Variants in PHACTR1 observed in about 807,000 individuals in gnomAD.
PHACTR1 encodes phosphatase and actin regulator 1.
PHACTR1 carries 16 observed loss-of-function variants against 69.2 expected under a neutral mutation model. The observed-to-expected ratio is 0.23, with a 90% CI of 0.16 to 0.35. The LOEUF (loss-of-function observed/expected upper bound fraction) is 0.35, where lower values mean the gene tolerates loss of function less well. PHACTR1 is among the 10% of genes least tolerant of loss of function. The pLI, the probability that PHACTR1 is intolerant of heterozygous loss-of-function variation, is 1.00. For synonymous variants in PHACTR1, 312 were observed against 284.5 expected (o/e 1.10, Z -0.97); for missense variants, 510 against 734.7 (o/e 0.69, Z 3.54).
chr6:13,042,384 C>G (rs183245396), intron 4 of PHACTR1, among the ~76,000 whole-genome samples: 482 of 152,288 alleles, frequency 3.2e-3, no homozygotes, highest in Middle Eastern at 0.017. Flanking sequence ...AGCCAGCCAC[C>G]TGAAGGCAAT....
At chr6:12,997,311 T>C (rs1218599573) in intron 4 of PHACTR1, among the ~76,000 whole-genome samples, 1 of 147,880 alleles carries the variant, frequency 6.8e-6, no homozygotes, top group African/African-American at 2.4e-5. Context: ...ATTATATATT[T>C]ATGTATAAGT....
At chr6:13,038,070 G>A (rs776609330) in intron 4 of PHACTR1, among the ~76,000 whole-genome samples, 2 of 152,164 alleles carry the variant, frequency 1.3e-5, no homozygotes, top group Non-Finnish European at 2.9e-5. Flanking sequence ...ATGTTATTTG[G>A]AGATGCAGAG....
At chr6:12,830,598 A>AT (rs1055989852) in intron 4 of PHACTR1, among the ~76,000 whole-genome samples, 1 of 133,920 alleles carries the variant, frequency 7.5e-6, no homozygotes. Flanking sequence ...AAAAAAAAAA[A>AT]TTTTTTTTGA....
intron 7 of PHACTR1, among the ~76,000 whole-genome samples, chr6:13,199,628 G>A (rs1414694519): frequency 2.6e-5 from 4 of 152,138 alleles, no homozygotes; most frequent in Admixed American, 1.3e-4. Context: ...AATCAACTAT[G>A]TAGGAAAAGC....
At chr6:13,036,185 G>A (rs1803279710) in intron 4 of PHACTR1, among the ~76,000 whole-genome samples, 1 of 151,564 alleles carries the variant, frequency 6.6e-6, no homozygotes, top group Non-Finnish European at 1.5e-5. Context: ...GCTTAAAATT[G>A]TCTATAACTT....
intron 4 of PHACTR1, among the ~76,000 whole-genome samples, chr6:13,009,621 G>A (rs1480872886): frequency 6.6e-6 from 1 of 152,058 alleles, no homozygotes; most frequent in East Asian, 1.9e-4. Context: ...ATGGGGAGGA[G>A]CATAGGCAAG....
intron 4 of PHACTR1, among the ~76,000 whole-genome samples, chr6:12,950,614 C>A (rs1791174767): frequency 6.6e-6 from 1 of 152,136 alleles, no homozygotes. Flanking sequence ...TTAATTTCCC[C>A]CAAATAACTG....
intron 5 of PHACTR1, among the ~76,000 whole-genome samples, chr6:13,115,040 G>A (rs1221882244): frequency 6.6e-6 from 1 of 152,158 alleles, no homozygotes; most frequent in Non-Finnish European, 1.5e-5. Context: ...CATAAAGCTG[G>A]AATTCAAACT....
chr6:13,001,284 A>T (rs1798067096), intron 4 of PHACTR1, among the ~76,000 whole-genome samples: 1 of 152,200 alleles, frequency 6.6e-6, no homozygotes, highest in Non-Finnish European at 1.5e-5. Context: ...ATCTCATCCC[A>T]CTCTCAGCTT....
intron 5 of PHACTR1, among the ~76,000 whole-genome samples, chr6:13,102,005 A>G (rs1372920341): frequency 6.6e-6 from 1 of 152,196 alleles, no homozygotes; most frequent in Admixed American, 6.5e-5. Flanking sequence ...CTGAACGTCC[A>G]TTCTCTAGTT....
intron 4 of PHACTR1, among the ~76,000 whole-genome samples, chr6:13,010,318 G>A (rs1799304886): frequency 1.3e-5 from 2 of 152,102 alleles, no homozygotes; most frequent in African/African-American, 4.8e-5. Context: ...AGTAGACACA[G>A]GGTTTCACCA....
chr6:12,911,253 C>A (rs111672087), intron 4 of PHACTR1, among the ~76,000 whole-genome samples: 1 of 151,996 alleles, frequency 6.6e-6, no homozygotes, highest in African/African-American at 2.4e-5. Flanking sequence ...TTTGTAGGTT[C>A]GTTTCAATTT....
intron 5 of PHACTR1, among the ~76,000 whole-genome samples, chr6:13,074,822 T>A (rs1258822335): frequency 6.6e-6 from 1 of 152,200 alleles, no homozygotes; most frequent in Non-Finnish European, 1.5e-5. Flanking sequence ...AGAAGACGTC[T>A]ATCTTCAGAT....
At chr6:13,265,719 A>G (rs975698149) in intron 10 of PHACTR1, among the ~76,000 whole-genome samples, 2 of 152,068 alleles carry the variant, frequency 1.3e-5, no homozygotes, top group African/African-American at 4.8e-5. Flanking sequence ...ATTAGTTACT[A>G]TATTTTCTTT....
intron 4 of PHACTR1, among the ~76,000 whole-genome samples, chr6:12,944,071 C>T (rs1488072726): frequency 6.6e-6 from 1 of 152,184 alleles, no homozygotes; most frequent in East Asian, 1.9e-4. Context: ...CATTGCACCA[C>T]TTCCTTTTGT....
At chr6:12,748,093 A>G (rs970638005) in intron 3 of PHACTR1, among the ~76,000 whole-genome samples, 3 of 152,234 alleles carry the variant, frequency 2.0e-5, no homozygotes, top group African/African-American at 4.8e-5. Context: ...AATGACGGGG[A>G]TGAAAGGACG....
chr6:13,141,256 G>T (rs1365703417), intron 5 of PHACTR1, among the ~76,000 whole-genome samples: 1 of 152,122 alleles, frequency 6.6e-6, no homozygotes, highest in Non-Finnish European at 1.5e-5. Context: ...TGCTGCCTTG[G>T]CTCAGACCTT....
At chr6:13,086,818 G>GT (rs1812395535) in intron 5 of PHACTR1, among the ~76,000 whole-genome samples, 1 of 152,036 alleles carries the variant, frequency 6.6e-6, no homozygotes, top group African/African-American at 2.4e-5. Context: ...GGGTTATGTG[G>GT]TAAGGGTATG....
intron 7 of PHACTR1, 98 bp from the exon 8 acceptor site, chr6:13,205,717 C>A: frequency 1.7e-6 from 2 of 1,194,554 alleles, no homozygotes; most frequent in Non-Finnish European, 2.4e-6. Context: ...AGAGGCTCAA[C>A]TCATTGGCCA....
Sources: allele counts gnomAD v4.1 joint callset (sites outside exome capture counted in the v4.1 genomes callset), GRCh38; gene constraint gnomAD v4.1.1; transcripts MANE v1.5; gene names NCBI Gene and HGNC (gene_info 2026-07-23, HGNC 2026-07-21).